IMMP2L: variants seen among roughly 807,000 people sequenced by gnomAD.
The protein encoded by IMMP2L is inner mitochondrial membrane peptidase subunit 2, also known as mitochondrial inner membrane protease subunit 2.
Under a neutral mutation model 19.3 loss-of-function variants are expected in IMMP2L, and 18 were observed. The observed-to-expected ratio is 0.93, with a 90% confidence interval of 0.64 to 1.38. The LOEUF is 1.38. Ranked by LOEUF, IMMP2L falls within the 40% of genes most tolerant of loss-of-function variation. IMMP2L has a pLI of 0.00. For missense variants in IMMP2L, 233 were observed against 218.2 expected, an observed-to-expected ratio of 1.07 and a Z score of -0.43; for synonymous variants, 76 against 73.0, an observed-to-expected ratio of 1.04 and a Z score of -0.21.
chr7:110,946,164 A>T (rs1817228914), intron 4 of IMMP2L, among the ~76,000 whole-genome samples: 1 of 152,170 alleles, frequency 6.6e-6, no homozygotes, highest in African/African-American at 2.4e-5. Flanking sequence ...CCCCATCTCC[A>T]AAGTTTCCGA....
chr7:111,330,345 T>C (rs1052313861), intron 3 of IMMP2L, among the ~76,000 whole-genome samples: 1 of 151,594 alleles, frequency 6.6e-6, no homozygotes, highest in African/African-American at 2.4e-5. Context: ...GTGGCTGAAA[T>C]GGAAGACAGG....
intron 3 of IMMP2L, among the ~76,000 whole-genome samples, chr7:111,264,604 C>A (rs575079817): frequency 6.6e-6 from 1 of 151,616 alleles, no homozygotes; most frequent in Admixed American, 6.6e-5. Context: ...GATTACAAAG[C>A]AGAAACAGAG....
At chr7:111,381,236 A>G (rs1486162814) in intron 3 of IMMP2L, among the ~76,000 whole-genome samples, 1 of 151,900 alleles carries the variant, frequency 6.6e-6, no homozygotes. Flanking sequence ...CTAAGCTGAG[A>G]TTTTTTTGAC....
intron 3 of IMMP2L, among the ~76,000 whole-genome samples, chr7:111,290,717 T>C (rs1820996704): frequency 6.6e-6 from 1 of 151,994 alleles, no homozygotes; most frequent in Admixed American, 6.6e-5. Flanking sequence ...AATTGAACTT[T>C]TGACCCTGTA....
intron 3 of IMMP2L, among the ~76,000 whole-genome samples, chr7:111,392,638 A>G (rs1832472103): frequency 1.3e-5 from 2 of 152,132 alleles, no homozygotes; most frequent in African/African-American, 2.4e-5. Flanking sequence ...ACCAGGAGTT[A>G]GCATCAGAAT....
intron 3 of IMMP2L, among the ~76,000 whole-genome samples, chr7:110,992,477 G>A (rs888293411): frequency 6.6e-6 from 1 of 151,768 alleles, no homozygotes; most frequent in Non-Finnish European, 1.5e-5. Context: ...AATGCTATCG[G>A]TCCTTAAAAA....
chr7:111,322,880 C>T (rs1033482302), intron 3 of IMMP2L, among the ~76,000 whole-genome samples: 3 of 151,532 alleles, frequency 2.0e-5, no homozygotes, highest in African/African-American at 7.3e-5. Context: ...TATTTTATAT[C>T]AAAGCCTACG....
chr7:111,152,600 T>C (rs1804202578), intron 3 of IMMP2L, among the ~76,000 whole-genome samples: 1 of 152,120 alleles, frequency 6.6e-6, no homozygotes, highest in Non-Finnish European at 1.5e-5. Context: ...ATAAATGAGA[T>C]TACTTGTTTA....
chr7:111,118,862 C>T (rs935635505), intron 3 of IMMP2L, among the ~76,000 whole-genome samples: 1 of 152,138 alleles, frequency 6.6e-6, no homozygotes, highest in Non-Finnish European at 1.5e-5. Flanking sequence ...TGAATATGCT[C>T]ACCACTATAA....
At chr7:111,020,086 TAA>T (rs57238777) in intron 3 of IMMP2L, among the ~76,000 whole-genome samples, 9 of 140,214 alleles carry the variant, frequency 6.4e-5, no homozygotes, top group African/African-American at 7.9e-5. Context: ...ATACAACAAT[TAA>T]AAAAAAAAAA....
chr7:111,046,834 C>T (rs1324806390), intron 3 of IMMP2L, among the ~76,000 whole-genome samples: 1 of 152,138 alleles, frequency 6.6e-6, no homozygotes, highest in Non-Finnish European at 1.5e-5. Context: ...ACATTCACTA[C>T]TTTCATTCAC....
At chr7:111,002,153 G>C (rs1184205165) in intron 3 of IMMP2L, among the ~76,000 whole-genome samples, 1 of 151,970 alleles carries the variant, frequency 6.6e-6, no homozygotes, top group Non-Finnish European at 1.5e-5. Context: ...GACTCTCTGA[G>C]GTACCAGCAG....
chr7:111,052,862 A>G (rs1793125703), intron 3 of IMMP2L, among the ~76,000 whole-genome samples: 1 of 152,296 alleles, frequency 6.6e-6, no homozygotes, highest in Admixed American at 6.5e-5. Flanking sequence ...CTTTGCCTCT[A>G]CTGTCTAAAT....
At chr7:111,546,256 T>C (rs909099165) in intron 1 of IMMP2L, among the ~76,000 whole-genome samples, 3 of 152,098 alleles carry the variant, frequency 2.0e-5, no homozygotes, top group Admixed American at 2.0e-4. Context: ...CAAACTGACC[T>C]CAATGAAAAT....
intron 5 of IMMP2L, among the ~76,000 whole-genome samples, chr7:110,811,712 G>C (rs1314349556): frequency 6.6e-6 from 1 of 152,022 alleles, no homozygotes; most frequent in Admixed American, 6.6e-5. Flanking sequence ...AGACATCCAA[G>C]AGAGTATTAT....
At chr7:110,956,816 G>A (rs1291465030) in intron 4 of IMMP2L, among the ~76,000 whole-genome samples, 1 of 151,884 alleles carries the variant, frequency 6.6e-6, no homozygotes, top group African/African-American at 2.4e-5. Flanking sequence ...GAAGATCTAT[G>A]AAACAGAAAT....
intron 3 of IMMP2L, among the ~76,000 whole-genome samples, chr7:111,409,230 C>A (rs1834158972): frequency 6.6e-6 from 1 of 151,414 alleles, no homozygotes; most frequent in South Asian, 2.1e-4. Context: ...TAATAGAAAG[C>A]CAATTCCTAC....
rs1834599035 is a variant in IMMP2L at position 111,413,202 on chromosome 7, A to G, written c.239+74036T>C. 4.6e-5 allele frequency among the ~76,000 whole-genome samples: 7 copies of G among 152,134 alleles called. No individual in the cohort carries two copies. The South Asian group carries it at 1.5e-3, about 32-fold the overall frequency. ...CAAAATAAACCCCTCATCAATCTCAAAAGTTTAACTCATAATTAACAATCT... is the reference window on the plus strand; with the variant it reads ...CAAAATAAACCCCTCATCAATCTCAGAAGTTTAACTCATAATTAACAATCT... On this transcript the variant is annotated intron_variant, in intron 3 of 5. Coordinates refer to ENST00000405709, the MANE Select transcript of IMMP2L (RefSeq NM_032549.4).
intron 5 of IMMP2L, among the ~76,000 whole-genome samples, chr7:110,736,337 C>T (rs1796633119): frequency 6.6e-6 from 1 of 152,170 alleles, no homozygotes; most frequent in African/African-American, 2.4e-5. Flanking sequence ...TGGGGCAATG[C>T]TCAGGGGAGC....
Sources: allele counts gnomAD v4.1 joint callset (sites outside exome capture counted in the v4.1 genomes callset), GRCh38; gene constraint gnomAD v4.1.1; transcripts MANE v1.5; gene names NCBI Gene and HGNC (gene_info 2026-07-23, HGNC 2026-07-21).